ZXDC: variants seen among roughly 807,000 people sequenced by gnomAD.
ZXDC encodes zinc finger protein ZXDC.
A neutral mutation model predicts 63.6 loss-of-function variants in ZXDC; 58 were observed. That is an observed-to-expected ratio of 0.91 (90% CI 0.74 to 1.13). The LOEUF is 1.13. Ranked by LOEUF, ZXDC falls within the 50% of genes most tolerant of loss-of-function variation. The pLI is 0.00. For synonymous variants in ZXDC, 561 were observed against 496.1 expected, an observed-to-expected ratio of 1.13 and a Z score of -1.74; for missense variants, 1,133 against 1,148.9, an observed-to-expected ratio of 0.99 and a Z score of 0.20.
At position 126,472,951 on chromosome 3, in the gene ZXDC, C is replaced by T. The variant is rs2107660724; in HGVS notation, c.908-646G>A. Among the ~76,000 whole-genome samples, 3 of 152,318 alleles carry T rather than the reference C, an allele frequency of 2.0e-5. No homozygotes were observed. In the Middle Eastern group the frequency reaches 0.01, roughly 518 times the overall value. On this transcript the variant is annotated intron_variant, in intron 1 of 9. Coordinates refer to ENST00000389709, the MANE Select transcript of ZXDC (RefSeq NM_025112.5). ...TCTCCTCCGACAGAAACATTCAGGG[C>T]TCCAACAGGGTGGAAAACATGAGGC...
Position 126,475,876 on chromosome 3 carries a change from G to A in ZXDC, c.-11C>T, listed in dbSNP as rs1935208734. On this transcript the variant is annotated 5_prime_UTR_variant, in exon 1 of 10. Coordinates refer to ENST00000389709, the MANE Select transcript of ZXDC (RefSeq NM_025112.5). Reference sequence around the variant, plus strand: ...CGCCGGGAGGTCCATCTTGGTCCCAGCGACGGCGTCGGAGCAGCTTCGGAC... The same window carrying A: ...CGCCGGGAGGTCCATCTTGGTCCCAACGACGGCGTCGGAGCAGCTTCGGAC... 3 of 1,075,248 alleles carry A rather than the reference G, an allele frequency of 2.8e-6. No individual in the cohort carries two copies. The East Asian group carries it at 1.8e-4, about 66-fold the overall frequency. 66.6% of individuals were successfully genotyped at this position (1,075,248 alleles called of 1,614,324 possible).
At chr3:126,459,273 T>C in intron 7 of ZXDC, 1 of 985,382 alleles carries the variant, frequency 1.0e-6, no homozygotes, top group Non-Finnish European at 1.2e-6. Context: ...CTGGGGACAG[T>C]GGCAGTCCCC....
intron 1 of ZXDC, 62 bp downstream of exon 1, chr3:126,474,897 C>T (rs1935122974): frequency 2.0e-6 from 3 of 1,492,022 alleles, no homozygotes; most frequent in African/African-American, 1.4e-5. Flanking sequence ...GTGGGGCGGA[C>T]GTGGCACCCC....
At chr3:126,468,596 T>C (rs1218585528) in intron 4 of ZXDC, among the ~76,000 whole-genome samples, 1 of 152,088 alleles carries the variant, frequency 6.6e-6, no homozygotes, top group Non-Finnish European at 1.5e-5. Context: ...ACAAATGCCC[T>C]ATCCTCCACG....
At position 126,444,506 on chromosome 3, in the gene ZXDC, T is replaced by C. The variant is rs1433481856; in HGVS notation, c.2213-2560A>G. 1.1e-4 allele frequency among the ~76,000 whole-genome samples: 17 copies of C among 151,682 alleles called. No homozygotes were observed. The South Asian group carries it at 2.1e-3, about 19-fold the overall frequency. ...GAGATCATGCCACTGCACTCCAGCC[T>C]GGGTGACAGAGCGAGACTCCCTCTC... On this transcript the variant is annotated intron_variant, in intron 7 of 9. Transcript: ENST00000389709.
chr3:126,473,990 A>G (rs1476340140), intron 1 of ZXDC, among the ~76,000 whole-genome samples: 24 of 151,848 alleles, frequency 1.6e-4, no homozygotes, highest in Non-Finnish European at 1.5e-5. Flanking sequence ...CCTGGTGAAG[A>G]GCTCACTGTG....
chr3:126,473,939 G>A (rs1205201945), intron 1 of ZXDC, among the ~76,000 whole-genome samples: 1 of 152,116 alleles, frequency 6.6e-6, no homozygotes, highest in East Asian at 1.9e-4. Context: ...TTGCCCTTCT[G>A]GAGGAACCCT....
intron 7 of ZXDC, among the ~76,000 whole-genome samples, chr3:126,448,893 T>C (rs1933983381): frequency 6.6e-6 from 1 of 152,228 alleles, no homozygotes; most frequent in South Asian, 2.1e-4. Flanking sequence ...CCTGGGTCAG[T>C]GTCTCCAAGA....
At chr3:126,455,095 T>C in intron 7 of ZXDC, 1 of 985,444 alleles carries the variant, frequency 1.0e-6, no homozygotes, top group Non-Finnish European at 1.2e-6. Context: ...TTCTTGGACT[T>C]ATTACAGGTC....
chr3:126,473,700 A>G (rs1468590068), intron 1 of ZXDC, among the ~76,000 whole-genome samples: 3 of 152,252 alleles, frequency 2.0e-5, no homozygotes, highest in South Asian at 2.1e-4. Flanking sequence ...GGAAAAAATA[A>G]TAAAACCCGT....
At chr3:126,461,144 A>G (rs1934515242) in intron 6 of ZXDC, 1 of 994,640 alleles carries the variant, frequency 1.0e-6, no homozygotes, top group Non-Finnish European at 1.2e-6. Context: ...TAAAGTTTCC[A>G]TTGAACCTCT....
At chr3:126,463,752 G>A (rs2107650493) in intron 5 of ZXDC, among the ~76,000 whole-genome samples, 1 of 152,300 alleles carries the variant, frequency 6.6e-6, no homozygotes, top group African/African-American at 2.4e-5. Flanking sequence ...TTTCTCCCAT[G>A]CCAGCTGTTA....
chr3:126,474,256 G>A (rs183170518), intron 1 of ZXDC, among the ~76,000 whole-genome samples: 137 of 152,100 alleles, frequency 9.0e-4, no homozygotes, highest in Non-Finnish European at 1.5e-3. Context: ...AATAGAGACG[G>A]GGTTTCACCG....
intron 7 of ZXDC, chr3:126,451,743 G>A (rs1934109778): frequency 1.0e-5 from 10 of 985,340 alleles, no homozygotes; most frequent in South Asian, 4.7e-5. Context: ...ATGATCTCAC[G>A]CTGTTACTGG....
intron 7 of ZXDC, among the ~76,000 whole-genome samples, chr3:126,445,585 G>A (rs978199261): frequency 3.3e-5 from 5 of 151,444 alleles, no homozygotes; most frequent in African/African-American, 7.3e-5. Flanking sequence ...CAGCCTCCCC[G>A]TTTTTTGGCA....
intron 7 of ZXDC, chr3:126,454,026 A>ATG: frequency 1.3e-6 from 1 of 741,854 alleles, no homozygotes; most frequent in Non-Finnish European, 1.6e-6. Context: ...ACTATATATT[A>ATG]TGTATATATA....
intron 3 of ZXDC, among the ~76,000 whole-genome samples, chr3:126,471,359 C>A (rs1934972437): frequency 6.6e-6 from 1 of 152,220 alleles, no homozygotes; most frequent in Non-Finnish European, 1.5e-5. Context: ...GATCAACAAG[C>A]TTTCCGAGCG....
At position 126,462,378 on chromosome 3, in the gene ZXDC, G is replaced by A. The variant is rs150607250; in HGVS notation, c.1442-158C>T. Among the ~76,000 whole-genome samples, 105 of 152,236 alleles carry A rather than the reference G, an allele frequency of 6.9e-4. No homozygotes were observed. The East Asian group carries it at 0.01, about 15-fold the overall frequency. ...GTTATCACGACAGAGTCCCATGGCC[G>A]GTCGCTCAGGGCAACCGACACACAC... On this transcript the variant is annotated intron_variant, in intron 5 of 9. Coordinates refer to ENST00000389709, the MANE Select transcript of ZXDC (RefSeq NM_025112.5).
chr3:126,475,351 G>A lies in ZXDC; in HGVS notation c.515C>T (p.Thr172Met), dbSNP rs1935154980. The A allele has an allele frequency of 2.0e-6, 3 of 1,506,678 alleles. No homozygotes were observed. Among genetic ancestry groups the A allele is most frequent in the Non-Finnish European group, 2.7e-6 (3 of 1,126,452 alleles). The allele number at this position is 1,506,678 out of a possible 1,614,324, so 93.3% of individuals were successfully genotyped here. Residue 172 changes from threonine (T) to methionine (M), a missense_variant, in exon 1 of 10, where the codon ACG (threonine) becomes ATG (methionine). Thr to Met is a moderately conservative substitution (Grantham distance 81). Coordinates refer to ENST00000389709, the MANE Select transcript of ZXDC (RefSeq NM_025112.5). ...CGGCTCGGGGCAGCGGTAGCCGGGCGTGCTGGGGCCGGAGGCCTGGGGCGC... is the reference window on the plus strand; with the variant it reads ...CGGCTCGGGGCAGCGGTAGCCGGGCATGCTGGGGCCGGAGGCCTGGGGCGC... ...RRAPQASGPSTPGYRCPEPQC... is the reference protein window; with the variant it reads ...RRAPQASGPSMPGYRCPEPQC...
Sources: allele counts gnomAD v4.1 joint callset (sites outside exome capture counted in the v4.1 genomes callset), GRCh38; gene constraint gnomAD v4.1.1; transcripts MANE v1.5; gene names NCBI Gene and HGNC (gene_info 2026-07-23, HGNC 2026-07-21).